Variants in NFATC2 observed in about 807,000 individuals in gnomAD.
NFATC2 encodes the protein nuclear factor of activated T-cells, cytoplasmic 2.
In NFATC2, 22 loss-of-function variants were observed where a neutral mutation model predicts 87.3. That is an observed-to-expected ratio of 0.25 (90% CI 0.18 to 0.36). NFATC2 has a LOEUF of 0.36. Among genes scored for constraint, NFATC2 ranks in the 10% least tolerant of loss-of-function variants. The pLI, the probability that NFATC2 is intolerant of heterozygous loss-of-function variation, is 1.00. For synonymous variants in NFATC2, 565 were observed against 542.2 expected (o/e 1.04, Z -0.58); for missense variants, 1,149 against 1,259.1 (o/e 0.91, Z 1.32).
At chr20:51,430,685 C>G (rs1600715160) in intron 9 of NFATC2, among the ~76,000 whole-genome samples, 1 of 152,144 alleles carries the variant, frequency 6.6e-6, no homozygotes, top group East Asian at 1.9e-4. Context: ...CACAGAGCCC[C>G]CAGATAACCT....
intron 10 of NFATC2, among the ~76,000 whole-genome samples, chr20:51,395,986 A>G (rs1343792724): frequency 6.9e-6 from 1 of 145,052 alleles, no homozygotes; most frequent in Non-Finnish European, 1.5e-5. Context: ...TTGCCAAAAC[A>G]GGCTGGGGGC....
At chr20:51,533,464 C>A (rs779544172) in intron 1 of NFATC2, among the ~76,000 whole-genome samples, 17 of 152,212 alleles carry the variant, frequency 1.1e-4, no homozygotes, top group Non-Finnish European at 1.9e-4. Flanking sequence ...ACCCTTCGTT[C>A]GGAGGTGACA....
chr20:51,434,412 C>T (rs576357849), intron 8 of NFATC2, among the ~76,000 whole-genome samples: 31 of 149,690 alleles, frequency 2.1e-4, no homozygotes, highest in African/African-American at 7.6e-4. Flanking sequence ...GCCTGGGAAG[C>T]CTATAGCCTA....
At chr20:51,487,784 TTC>T (rs1414544540) in intron 3 of NFATC2, among the ~76,000 whole-genome samples, 1 of 150,826 alleles carries the variant, frequency 6.6e-6, no homozygotes, top group African/African-American at 2.5e-5. Flanking sequence ...AGACCAAAAA[TTC>T]TGAGTCACTT....
At chr20:51,545,156 A>G (rs2076878868), upstream of NFATC2, among the ~76,000 whole-genome samples, 1 of 152,194 alleles carries the variant, frequency 6.6e-6, no homozygotes, top group African/African-American at 2.4e-5. Context: ...CAAGAAAACC[A>G]GGCTTCCCCT....
intron 9 of NFATC2, among the ~76,000 whole-genome samples, chr20:51,430,335 C>A (rs1238360867): frequency 6.6e-6 from 1 of 152,194 alleles, no homozygotes; most frequent in Non-Finnish European, 1.5e-5. Context: ...CATTGATCCT[C>A]CACGTTCTGC....
intron 5 of NFATC2, among the ~76,000 whole-genome samples, chr20:51,459,007 G>A (rs577680294): frequency 7.9e-4 from 121 of 152,268 alleles, no homozygotes; most frequent in Middle Eastern, 3.4e-3. Context: ...CCCTGGGCAA[G>A]TCACTTCACC....
At chr20:51,407,239 G>A (rs1978471600) in intron 9 of NFATC2, among the ~76,000 whole-genome samples, 2 of 152,100 alleles carry the variant, frequency 1.3e-5, no homozygotes, top group Admixed American at 1.3e-4. Flanking sequence ...TTACTGGAAC[G>A]GCAAGCAGGC....
chr20:51,542,667 A>G lies in NFATC2; in HGVS notation c.-168T>C, dbSNP rs1219266774. ...GCGCGCCTGGCGCAGCGGGTCCTGG[A>G]CGCGCCCGGGGAAGCTGAGCGGCGG... is the stretch of plus-strand genomic sequence containing the variant. On this transcript the variant is annotated 5_prime_UTR_variant, in exon 1 of 11. Transcript: ENST00000371564. The G allele has an allele frequency of 1.8e-6, 2 of 1,099,852 alleles. No individual in the cohort carries two copies. The highest frequency in any genetic ancestry group is 5.2e-5 in the East Asian group (1 of 19,380). 68.1% of individuals were successfully genotyped at this position (1,099,852 alleles called of 1,614,324 possible). A position where few individuals can be genotyped will look rare whatever the true frequency, so the allele number is the denominator to read the frequency against.
chr20:51,486,735 C>T (rs1213233409), intron 3 of NFATC2, among the ~76,000 whole-genome samples: 1 of 152,076 alleles, frequency 6.6e-6, no homozygotes, highest in African/African-American at 2.4e-5. Context: ...TGTGGATCCA[C>T]ATATTGCCGA....
At chr20:51,481,049 T>C (rs554783647) in intron 3 of NFATC2, among the ~76,000 whole-genome samples, 12 of 152,202 alleles carry the variant, frequency 7.9e-5, no homozygotes, top group African/African-American at 2.6e-4. Flanking sequence ...CTCACCATCT[T>C]TCATGAAAGG....
rs142512233 is a variant in NFATC2, at chr20:51,400,356, G to A, written c.2723-1626C>T. 4.6e-5 allele frequency among the ~76,000 whole-genome samples: 7 copies of A among 151,542 alleles called. No individual in the cohort carries two copies. The East Asian group carries it at 5.8e-4, about 13-fold the overall frequency. Reference sequence around the variant, plus strand: ...AGTCACACCCTTGGAGGAGTCGTTCGAATCTAGTTGGAACCCCAGGGACCA... The same window carrying A: ...AGTCACACCCTTGGAGGAGTCGTTCAAATCTAGTTGGAACCCCAGGGACCA... On this transcript the variant is annotated intron_variant, in intron 9 of 10. Coordinates refer to ENST00000371564, the MANE Select transcript of NFATC2 (RefSeq NM_012340.5).
rs950234863 is a variant in NFATC2 at position 51,441,440 on chromosome 20, G to A, written c.1850-5679C>T. ...AGCAAAAATGATAAAGTTTGGCCAG[G>A]TTCGGTGGCTCATGACTGTAATCCC... is the stretch of plus-strand genomic sequence containing the variant. On this transcript the variant is annotated intron_variant, in intron 6 of 10. Coordinates refer to ENST00000371564, the MANE Select transcript of NFATC2 (RefSeq NM_012340.5). 5.9e-5 allele frequency among the ~76,000 whole-genome samples: 9 copies of A among 151,874 alleles called. 1 individual carries two copies. The highest frequency in any genetic ancestry group is 5.9e-4 in the Admixed American group (9 of 15,246).
chr20:51,398,653 G>T lies in NFATC2; in HGVS notation c.*34C>A. The T allele has an allele frequency of 1.2e-6, 2 of 1,606,614 alleles. No individual in the cohort carries two copies. The highest frequency in any genetic ancestry group is 2.2e-5 in the South Asian group (2 of 89,982). On this transcript the variant is annotated 3_prime_UTR_variant, in exon 10 of 11. Coordinates refer to ENST00000371564, the MANE Select transcript of NFATC2 (RefSeq NM_012340.5). ...GAAGATATCGATTACCTTTAACTTT[G>T]ATTTCTCGGATCAAAGATCACAGTC... is the stretch of plus-strand genomic sequence containing the variant.
chr20:51,471,330 G>A (rs529486933), intron 5 of NFATC2, among the ~76,000 whole-genome samples: 2 of 152,222 alleles, frequency 1.3e-5, no homozygotes, highest in South Asian at 2.1e-4. Context: ...CCCCCAAATC[G>A]CTGCAAGTTT....
At chr20:51,533,317 C>G (rs1243424266) in intron 1 of NFATC2, among the ~76,000 whole-genome samples, 1 of 152,248 alleles carries the variant, frequency 6.6e-6, no homozygotes, top group Non-Finnish European at 1.5e-5. Context: ...ACAAATCTGA[C>G]ACTCAGCAAA....
chr20:51,428,260 G>C (rs944655481), intron 9 of NFATC2, among the ~76,000 whole-genome samples: 2 of 152,188 alleles, frequency 1.3e-5, no homozygotes, highest in African/African-American at 4.8e-5. Context: ...ACTAGTCACG[G>C]AAGGGGGATG....
chr20:51,550,419 C>T (rs1338708950), intron 1 of NFATC2, among the ~76,000 whole-genome samples: 7 of 151,794 alleles, frequency 4.6e-5, no homozygotes, highest in East Asian at 1.9e-4. Flanking sequence ...GGTGAAACCC[C>T]GTCTCTACTA....
intron 3 of NFATC2, among the ~76,000 whole-genome samples, chr20:51,488,842 A>AG (rs1169618688): frequency 6.6e-6 from 1 of 152,170 alleles, no homozygotes; most frequent in Non-Finnish European, 1.5e-5. Context: ...AAAGCAAATG[A>AG]GATCCTATCA....
Sources: gnomAD v4.1 joint callset for allele counts (sites outside exome capture counted in the v4.1 genomes callset) on GRCh38, gnomAD v4.1.1 for gene constraint, MANE v1.5 for transcripts, NCBI Gene and HGNC (gene_info 2026-07-23, HGNC 2026-07-21) for gene names.